TENM4: variants seen among roughly 807,000 people sequenced by gnomAD.
The protein encoded by TENM4 is teneurin transmembrane protein 4, also known as teneurin-4.
A neutral mutation model predicts 243.3 loss-of-function variants in TENM4; 82 were observed. That is an observed-to-expected ratio of 0.34 (90% CI 0.28 to 0.40). The LOEUF (loss-of-function observed/expected upper bound fraction) is 0.40. Among genes scored for constraint, TENM4 ranks in the 10% least tolerant of loss-of-function variants. The pLI is 1.00. For synonymous variants in TENM4, 1,412 were observed against 1,456.3 expected, an observed-to-expected ratio of 0.97 and a Z score of 0.69; for missense variants, 3,138 against 3,673.3, an observed-to-expected ratio of 0.85 and a Z score of 3.77.
At chr11:79,169,854 G>C (rs867683132) in intron 3 of TENM4, among the ~76,000 whole-genome samples, 1 of 152,212 alleles carries the variant, frequency 6.6e-6, no homozygotes, top group Admixed American at 6.5e-5. Context: ...AACTTAACTT[G>C]TGTTTCCTTT....
At chr11:79,313,453 A>G (rs768848139) in intron 1 of TENM4, among the ~76,000 whole-genome samples, 8 of 152,230 alleles carry the variant, frequency 5.3e-5, no homozygotes, top group African/African-American at 9.6e-5. Flanking sequence ...ATCATTTCCA[A>G]TGTTTGCTGG....
At chr11:78,706,393 C>T (rs1337827314) in intron 27 of TENM4, among the ~76,000 whole-genome samples, 1 of 152,172 alleles carries the variant, frequency 6.6e-6, no homozygotes, top group Admixed American at 6.5e-5. Flanking sequence ...TTCCTTGGCT[C>T]TCGCCTTCTC....
chr11:79,222,180 G>C (rs372093734), intron 2 of TENM4, among the ~76,000 whole-genome samples: 10 of 152,170 alleles, frequency 6.6e-5, no homozygotes, highest in African/African-American at 2.4e-4. Context: ...GAGGGTCAAG[G>C]GGAACAGGTG....
At chr11:78,871,166 C>G (rs1028743950) in intron 9 of TENM4, among the ~76,000 whole-genome samples, 1 of 152,208 alleles carries the variant, frequency 6.6e-6, no homozygotes. Flanking sequence ...TGTTCCTTCT[C>G]TGGTTCTGAT....
At chr11:79,370,223 G>T (rs1857755115) in intron 1 of TENM4, among the ~76,000 whole-genome samples, 1 of 152,172 alleles carries the variant, frequency 6.6e-6, no homozygotes, top group Non-Finnish European at 1.5e-5. Flanking sequence ...CTTCACATGG[G>T]CCCCCTACGA....
At chr11:79,017,081 A>G (rs1445535959) in intron 6 of TENM4, among the ~76,000 whole-genome samples, 3 of 152,328 alleles carry the variant, frequency 2.0e-5, no homozygotes, top group African/African-American at 7.2e-5. Flanking sequence ...ATTATCATTA[A>G]GTGGGCTGCA....
chr11:79,291,210 C>T (rs577618652), intron 2 of TENM4, among the ~76,000 whole-genome samples: 1 of 152,068 alleles, frequency 6.6e-6, no homozygotes, highest in African/African-American at 2.4e-5. Flanking sequence ...CGGGGAAGCA[C>T]AGAAAACCCT....
At chr11:79,104,446 A>T (rs2137086487) in intron 4 of TENM4, among the ~76,000 whole-genome samples, 1 of 152,298 alleles carries the variant, frequency 6.6e-6, no homozygotes, top group East Asian at 1.9e-4. Context: ...AACATTAGAG[A>T]TGTGACCTTT....
chr11:79,241,595 A>T (rs1855418403), intron 2 of TENM4, among the ~76,000 whole-genome samples: 1 of 152,174 alleles, frequency 6.6e-6, no homozygotes, highest in Non-Finnish European at 1.5e-5. Context: ...TCGTCATGGG[A>T]ATTAAACAAG....
chr11:78,760,783 C>T (rs1182880871), intron 18 of TENM4, among the ~76,000 whole-genome samples: 2 of 152,228 alleles, frequency 1.3e-5, no homozygotes, highest in Admixed American at 1.3e-4. Context: ...TTTCATGTCA[C>T]TCAACCTCTT....
In TENM4 at chr11:78,676,182, G is replaced by A; in HGVS notation, c.5466C>T (p.Gly1822=). The part of the protein sequence containing the change: ...EWRQRKEQAR[G]QVTVFGRRLR... ...GCCGGCGCCCAAAGACAGTGACCTGGCCCCGAGCCTGCTCTTTGCGCTGGC... is the reference window on the plus strand; with the variant it reads ...GCCGGCGCCCAAAGACAGTGACCTGACCCCGAGCCTGCTCTTTGCGCTGGC... Residue 1822 remains glycine, a synonymous_variant, in exon 30 of 34, where the codon GGC becomes GGT. Transcript: ENST00000278550. 1.3e-6 allele frequency: 2 copies of A among 1,542,086 alleles called. No individual in the cohort carries two copies. The highest frequency in any genetic ancestry group is 2.4e-5 in the South Asian group (2 of 84,198).
intron 2 of TENM4, among the ~76,000 whole-genome samples, chr11:79,290,740 A>G (rs1034212776): frequency 5.9e-5 from 9 of 152,094 alleles, no homozygotes; most frequent in African/African-American, 9.7e-5. Context: ...CATTTTATTG[A>G]TGGGAAACTC....
intron 1 of TENM4, among the ~76,000 whole-genome samples, chr11:79,369,466 T>C (rs558120275): frequency 6.6e-6 from 1 of 152,260 alleles, no homozygotes; most frequent in South Asian, 2.1e-4. Flanking sequence ...TTCAAAGAAA[T>C]GGAGAGGAAC....
At chr11:79,140,700 C>T (rs990078761) in intron 4 of TENM4, among the ~76,000 whole-genome samples, 1 of 152,076 alleles carries the variant, frequency 6.6e-6, no homozygotes, top group African/African-American at 2.4e-5. Context: ...AGCACCAAGC[C>T]AGAATAGAAG....
chr11:78,925,807 C>A (rs1180171233), intron 6 of TENM4, among the ~76,000 whole-genome samples: 1 of 151,772 alleles, frequency 6.6e-6, no homozygotes, highest in Non-Finnish European at 1.5e-5. Context: ...TATTAAGGAT[C>A]CTGTCCCAGC....
intron 1 of TENM4, among the ~76,000 whole-genome samples, chr11:79,303,151 T>C (rs1184590546): frequency 1.3e-5 from 2 of 152,210 alleles, no homozygotes; most frequent in Non-Finnish European, 2.9e-5. Context: ...AGATTCTGCT[T>C]CAAGATTCCT....
At chr11:79,124,625 A>G (rs566697174) in intron 4 of TENM4, among the ~76,000 whole-genome samples, 1 of 144,672 alleles carries the variant, frequency 6.9e-6, no homozygotes, top group East Asian at 2.0e-4. Context: ...ATATACATAC[A>G]TATGCACGTA....
intron 2 of TENM4, among the ~76,000 whole-genome samples, chr11:79,254,700 G>A (rs557163721): frequency 6.6e-6 from 1 of 152,276 alleles, no homozygotes; most frequent in Admixed American, 6.5e-5. Context: ...ATAATATTGT[G>A]TTAATATTAT....
At position 79,266,804 on chromosome 11, in the gene TENM4, T is replaced by C. The variant is rs959210818; in HGVS notation, c.-265+30684A>G. On this transcript the variant is annotated intron_variant, in intron 2 of 33. Transcript: ENST00000278550. Reference sequence around the variant, plus strand: ...TCAGAATTGTCTAGAAGAGTAACCATAAAAAACAAATTGAAGCCATTGCGT... The same window carrying C: ...TCAGAATTGTCTAGAAGAGTAACCACAAAAAACAAATTGAAGCCATTGCGT... Among the ~76,000 whole-genome samples the C allele has an allele frequency of 7.9e-5, 12 of 152,026 alleles. No individual in the cohort carries two copies. In the East Asian group the frequency reaches 1.2e-3, roughly 15 times the overall value.
Sources: allele counts gnomAD v4.1 joint callset (sites outside exome capture counted in the v4.1 genomes callset), GRCh38; gene constraint gnomAD v4.1.1; transcripts MANE v1.5; gene names NCBI Gene and HGNC (gene_info 2026-07-23, HGNC 2026-07-21).